ITIH1: variants seen among roughly 807,000 people sequenced by gnomAD.
ITIH1 encodes inter-alpha-trypsin inhibitor heavy chain 1, also known as inter-alpha-trypsin inhibitor heavy chain H1.
ITIH1 carries 94 observed loss-of-function variants against 104.6 expected under a neutral mutation model. The ratio of observed to expected loss-of-function variants is 0.90; its 90% CI spans 0.76 to 1.07. The LOEUF is 1.07. Ranked by LOEUF, ITIH1 falls within the 50% of genes least tolerant of loss-of-function variation. The pLI is 0.00. For missense variants in ITIH1, 1,193 were observed against 1,181.4 expected (o/e 1.01, Z -0.14); for synonymous variants, 455 against 464.4 (o/e 0.98, Z 0.26).
chr3:52,783,181 G>C, intron 9 of ITIH1, 33 bp from the exon 10 acceptor site: 4 of 1,614,054 alleles, frequency 2.5e-6, no homozygotes, highest in Non-Finnish European at 3.4e-6. Context: ...TCAGAATGAG[G>C]GCATACACTG....
intron 18 of ITIH1, 59 bp downstream of exon 18, chr3:52,788,404 C>A: frequency 9.0e-7 from 1 of 1,114,938 alleles, no homozygotes; most frequent in African/African-American, 1.5e-5. Context: ...CCTCAACATT[C>A]AGCCAGGAAC....
At chr3:52,787,696 T>TGAAGACAGCTAGAA in intron 16 of ITIH1, 84 bp downstream of exon 16, 1 of 1,428,086 alleles carries the variant, frequency 7.0e-7, no homozygotes, top group Non-Finnish European at 9.9e-7. Context: ...GTTCTAGCTG[T>TGAAGACAGCTAGAA]CTTCACTGCT....
chr3:52,787,375 C>T (rs1414434224), intron 15 of ITIH1, among the ~76,000 whole-genome samples, 173 bp downstream of exon 15: 3 of 152,136 alleles, frequency 2.0e-5, no homozygotes, highest in East Asian at 1.9e-4. Flanking sequence ...CTCCCTGCTG[C>T]GCTTTGTGAG....
At position 52,788,048 on chromosome 3, in the gene ITIH1, C is replaced by T. The variant is rs954250557; in HGVS notation, c.1987C>T (p.Pro663Ser). Reference protein sequence around the residue: ...THSSSNTQRLPDRVTGVDTDP... With the variant: ...THSSSNTQRLSDRVTGVDTDP... ...TTCCAGCTCCAATACCCAGCGGCTG[C>T]CAGACCGAGTGACCGGCGGTGAGTC... Residue 663 changes from proline (P) to serine (S), a missense_variant, in exon 17 of 22, where the codon CCA (proline) becomes TCA (serine). Pro to Ser is a moderately conservative substitution (Grantham distance 74, BLOSUM62 -1). Coordinates refer to ENST00000273283, the MANE Select transcript of ITIH1 (RefSeq NM_002215.4). 6.2e-7 allele frequency: 1 copy of T among 1,609,024 alleles called. No individual in the cohort carries two copies. Among genetic ancestry groups the T allele is most frequent in the African/African-American group, 1.3e-5 (1 of 74,880 alleles).
Position 52,779,068 on chromosome 3 carries a change from C to T in ITIH1, c.410+22C>T, listed in dbSNP as rs1402190073. 1.6e-5 allele frequency: 24 copies of T among 1,535,752 alleles called. No homozygotes were observed. The highest frequency in any genetic ancestry group is 2.2e-5 in the Non-Finnish European group (24 of 1,108,512). On this transcript the variant is annotated intron_variant, in intron 4 of 21. Transcript: ENST00000273283. The surrounding 1 kb of genome is among the most constrained non-coding windows in gnomAD (Gnocchi z 4.4). ...TCAGGTGAGTTCTGGGCCTGCTGGT[C>T]TCATCTCTAGGGCTGCCCTCCCCAG...
chr3:52,782,012 G>A lies in ITIH1; in HGVS notation c.760G>A (p.Gly254Arg), dbSNP rs768166265. Reference sequence around the variant, plus strand: ...CACATGCTCTACATCCTTACTGAACGGGCACTTCAAGGTGACCTACGATGT... The same window carrying A: ...CACATGCTCTACATCCTTACTGAACAGGCACTTCAAGGTGACCTACGATGT... ...CPTCSTSLLN[G>R]HFKVTYDVSR... is the part of the protein sequence containing the mutation. The change falls in exon 7 of 22, where the codon GGG becomes AGG. Residue 254 changes from glycine to arginine, a missense_variant. By Grantham distance (125) the Gly-to-Arg change is moderately radical. Transcript: ENST00000273283. 13 of 1,614,062 alleles carry A rather than the reference G, an allele frequency of 8.1e-6. No homozygotes were observed. Among genetic ancestry groups the A allele is most frequent in the East Asian group, 2.2e-5 (1 of 44,878 alleles).
At position 52,777,608 on chromosome 3, in the gene ITIH1, C is replaced by T. The variant is rs1337182691; in HGVS notation, c.-8C>T. On this transcript the variant is annotated 5_prime_UTR_variant, in exon 1 of 22. Transcript: ENST00000273283. Reference sequence around the variant, plus strand: ...ACTGAGGTGACAGGGCAGCAGGAGCCTTAGAGCATGGACGGTGCCATGGGG... The same window carrying T: ...ACTGAGGTGACAGGGCAGCAGGAGCTTTAGAGCATGGACGGTGCCATGGGG... 2.6e-6 allele frequency: 4 copies of T among 1,557,368 alleles called. No individual in the cohort carries two copies. The East Asian group carries it at 6.7e-5, about 26-fold the overall frequency.
Position 52,779,760 on chromosome 3 carries a change from C to A in ITIH1, c.573+166C>A. On this transcript the variant is annotated intron_variant, in intron 5 of 21. Transcript: ENST00000273283. The surrounding 1 kb of genome is among the most constrained non-coding windows in gnomAD (Gnocchi z 4.4). ...ATGTGCTCTTCTTGGGCAGGGAACT[C>A]CCTGAATTCTCTAACTTCCTCTTTA... is the stretch of plus-strand genomic sequence containing the variant. 9.6e-7 allele frequency: 1 copy of A among 1,039,886 alleles called. No individual in the cohort carries two copies. The highest frequency in any genetic ancestry group is 1.4e-6 in the Non-Finnish European group (1 of 712,614). The allele number at this position is 1,039,886 out of a possible 1,614,324, so 64.4% of individuals were successfully genotyped here.
In ITIH1 at chr3:52,785,133, C is replaced by T. The variant is rs1699168299; in HGVS notation, c.1497C>T (p.His499=). 6.2e-7 allele frequency: 1 copy of T among 1,614,130 alleles called. No individual in the cohort carries two copies. The highest frequency in any genetic ancestry group is 8.5e-7 in the Non-Finnish European group (1 of 1,180,016). The change falls in exon 12 of 22, where the codon CAC becomes CAT. Residue 499 remains histidine (H), a synonymous_variant. Transcript: ENST00000273283. ...CTGTCTTGGCCCTGACCCAGAACCA[C>T]CATAAACAGTACTACGAAGGCTCAG... The part of the protein sequence containing the change: ...QDAVLALTQN[H]HKQYYEGSEI...
chr3:52,780,438 C>T (rs1290252047), intron 6 of ITIH1, 56 bp downstream of exon 6: 4 of 1,221,022 alleles, frequency 3.3e-6, no homozygotes, highest in Non-Finnish European at 4.8e-6. Flanking sequence ...CTCAGCCTGC[C>T]CACCCCTTAT....
intron 2 of ITIH1, 125 bp from the exon 3 acceptor site, chr3:52,778,215 C>A: frequency 8.8e-7 from 1 of 1,132,534 alleles, no homozygotes; most frequent in Non-Finnish European, 1.3e-6. Flanking sequence ...GGTCTTCCTG[C>A]GGTCTGTTCT....
rs766343025 is a variant in ITIH1 at position 52,791,547 on chromosome 3, T to C, written c.2525T>C (p.Val842Ala). The change falls in exon 21 of 22, where the codon GTG (valine) becomes GCG (alanine). Residue 842 changes from valine (V) to alanine (A), a missense_variant. Coordinates refer to ENST00000273283, the MANE Select transcript of ITIH1 (RefSeq NM_002215.4). ...TTTTTCCACCCCATCGGTTTTGAAG[T>C]GTCTGACATCCACCCAGGCTCTGAC... ...GQFFHPIGFEVSDIHPGSDPT... is the reference protein window; with the variant it reads ...GQFFHPIGFEASDIHPGSDPT... 37 of 1,614,096 alleles carry C rather than the reference T, an allele frequency of 2.3e-5. No individual in the cohort carries two copies. The highest frequency in any genetic ancestry group is 3.1e-5 in the Non-Finnish European group (37 of 1,180,002).
rs1285503354 is a variant in ITIH1, at chr3:52,779,257, G to A, written c.411-175G>A. On this transcript the variant is annotated intron_variant, in intron 4 of 21. Transcript: ENST00000273283. The surrounding 1 kb of genome is among the most constrained non-coding windows in gnomAD (Gnocchi z 4.4). Reference sequence around the variant, plus strand: ...ATGCCACTGGGAGAAGTGGGCCCCCGCCATCTTGGGCCCTGACCCTGACCA... The same window carrying A: ...ATGCCACTGGGAGAAGTGGGCCCCCACCATCTTGGGCCCTGACCCTGACCA... 1.3e-5 allele frequency among the ~76,000 whole-genome samples: 2 copies of A among 152,212 alleles called. No homozygotes were observed. The highest frequency in any genetic ancestry group is 1.5e-5 in the Non-Finnish European group (1 of 68,034).
chr3:52,791,038 T>C lies in ITIH1; in HGVS notation c.2494+117T>C, dbSNP rs1262681788. 17 of 1,061,404 alleles carry C rather than the reference T, an allele frequency of 1.6e-5. No homozygotes were observed. In the East Asian group the frequency reaches 3.8e-4, roughly 24 times the overall value. 65.7% of individuals were successfully genotyped at this position (1,061,404 alleles called of 1,614,324 possible). ...GGCACCAGGACAGGCCCACCTCCAGTGTGGCCTCCAAGGAGCAGAGCCGTC... is the reference window on the plus strand; with the variant it reads ...GGCACCAGGACAGGCCCACCTCCAGCGTGGCCTCCAAGGAGCAGAGCCGTC... On this transcript the variant is annotated intron_variant, in intron 20 of 21. Coordinates refer to ENST00000273283, the MANE Select transcript of ITIH1 (RefSeq NM_002215.4).
Position 52,788,350 on chromosome 3 carries a change from G to A in ITIH1, c.2119+5G>A. Reference sequence around the variant, plus strand: ...TGGTACAGGACCCCAACACAGGTATGGCGGGCATCACACCTCTGCCAGACA... The same window carrying A: ...TGGTACAGGACCCCAACACAGGTATAGCGGGCATCACACCTCTGCCAGACA... On this transcript the variant is annotated splice_donor_5th_base_variant and intron_variant, in intron 18 of 21. Transcript: ENST00000273283. 6.4e-7 allele frequency: 1 copy of A among 1,563,676 alleles called. No individual in the cohort carries two copies. Among genetic ancestry groups the A allele is most frequent in the Non-Finnish European group, 8.8e-7 (1 of 1,142,850 alleles).
Position 52,784,332 on chromosome 3 carries a change from G to A in ITIH1, c.1262G>A (p.Arg421His), listed in dbSNP as rs576348078. 4.7e-5 allele frequency: 76 copies of A among 1,614,016 alleles called. 2 individuals are homozygous for A. In the South Asian group the frequency reaches 5.7e-4, roughly 12 times the overall value. The stretch of plus-strand genomic sequence containing the variant: ...CGTTCCCAAATCCTCAAGAACGTCC[G>A]CAACGCCATCCGGGGCAGGTTCCCG... ...TDRSQILKNV[R>H]NAIRGRFPLY... is the part of the protein sequence containing the mutation. The change falls in exon 11 of 22, where the codon CGC becomes CAC. Residue 421 changes from arginine to histidine, a missense_variant. Coordinates refer to ENST00000273283, the MANE Select transcript of ITIH1 (RefSeq NM_002215.4).
rs746312110 is a variant in ITIH1, at chr3:52,789,700, G to A, written c.2167G>A (p.Gly723Arg). The A allele has an allele frequency of 3.4e-5, 55 of 1,614,076 alleles. No individual in the cohort carries two copies. Among genetic ancestry groups the A allele is most frequent in the Non-Finnish European group, 4.5e-5 (53 of 1,180,048 alleles). The change falls in exon 19 of 22, where the codon GGG (glycine) becomes AGG (arginine). Residue 723 changes from glycine (G) to arginine (R), a missense_variant. Physicochemically the swap from Gly to Arg is moderately radical, Grantham distance 125. Coordinates refer to ENST00000273283, the MANE Select transcript of ITIH1 (RefSeq NM_002215.4). ...CATTGGCAACAAGGCCAGGAGCCCT[G>A]GGCAGCATGACGGCACGTACTTCGG... The part of the protein sequence containing the change: ...QLIGNKARSP[G>R]QHDGTYFGRL...
chr3:52,789,923 G>C (rs555267177), intron 19 of ITIH1, 69 bp downstream of exon 19: 2 of 1,500,014 alleles, frequency 1.3e-6, no homozygotes, highest in Admixed American at 1.7e-5. Context: ...TGCTGAGTCT[G>C]CAGGGCCCTC....
rs1699206566 is a variant in ITIH1, at chr3:52,786,452, G to A, written c.1733+18G>A. ...GCCAAGCGGTAGGGCACCTGCAGCTGCCCCAGGTGGGCACTGCCCACCCCA... is the reference window on the plus strand; with the variant it reads ...GCCAAGCGGTAGGGCACCTGCAGCTACCCCAGGTGGGCACTGCCCACCCCA... On this transcript the variant is annotated intron_variant, in intron 13 of 21. Coordinates refer to ENST00000273283, the MANE Select transcript of ITIH1 (RefSeq NM_002215.4). 3.2e-6 allele frequency: 5 copies of A among 1,564,212 alleles called. No homozygotes were observed. The highest frequency in any genetic ancestry group is 4.3e-6 in the Non-Finnish European group (5 of 1,154,314).
Sources: gnomAD v4.1 joint callset for allele counts (sites outside exome capture counted in the v4.1 genomes callset) on GRCh38, gnomAD v4.1.1 for gene constraint, Gnocchi (gnomAD v3.1) non-coding constraint, MANE v1.5 for transcripts, NCBI Gene and HGNC (gene_info 2026-07-23, HGNC 2026-07-21) for gene names.